PBRM1: variants seen among roughly 807,000 people sequenced by gnomAD.
The protein encoded by PBRM1 is protein polybromo-1.
A neutral mutation model predicts 194.5 loss-of-function variants in PBRM1; 27 were observed. The observed-to-expected ratio is 0.14, with a 90% CI of 0.10 to 0.19. PBRM1 has a LOEUF of 0.19. PBRM1 is among the 10% of genes least tolerant of loss of function. The probability of loss-of-function intolerance (pLI) is 1.00; values close to 1 mark genes in which losing one functional copy is unlikely to be tolerated. For synonymous variants in PBRM1, 655 were observed against 693.2 expected (o/e 0.94, Z 0.87); for missense variants, 1,466 against 2,077.2 (o/e 0.71, Z 5.72).
chr3:52,653,608 G>T (rs904631845), intron 5 of PBRM1, among the ~76,000 whole-genome samples: 19 of 144,622 alleles, frequency 1.3e-4, no homozygotes, highest in Admixed American at 5.6e-4. Context: ...AAAAAAGAAA[G>T]AAAGAAATGA....
chr3:52,578,339 C>T (rs905437928), intron 21 of PBRM1, among the ~76,000 whole-genome samples: 15 of 152,176 alleles, frequency 9.9e-5, no homozygotes, highest in African/African-American at 3.6e-4. Context: ...CTGTTTTATT[C>T]ACTAATGTAT....
intron 11 of PBRM1, among the ~76,000 whole-genome samples, chr3:52,631,906 G>A (rs938883348): frequency 5.9e-5 from 9 of 152,150 alleles, no homozygotes; most frequent in Non-Finnish European, 1.0e-4. Flanking sequence ...ATTCAAAGAT[G>A]GAAGGCAAAC....
intron 24 of PBRM1, 100 bp downstream of exon 26, chr3:52,563,183 C>T: frequency 1.4e-6 from 1 of 715,804 alleles, no homozygotes; most frequent in Non-Finnish European, 2.3e-6. Flanking sequence ...TAAGTTAAAG[C>T]TCACATATGG....
At chr3:52,677,813 T>C (rs532166865) in intron 2 of PBRM1, among the ~76,000 whole-genome samples, 5 of 152,056 alleles carry the variant, frequency 3.3e-5, no homozygotes, top group South Asian at 2.1e-4. Flanking sequence ...TGCCCACCTA[T>C]AGACCTCCCA....
chr3:52,640,830 G>A (rs1057101630), intron 10 of PBRM1, among the ~76,000 whole-genome samples: 6 of 150,350 alleles, frequency 4.0e-5, no homozygotes, highest in East Asian at 2.0e-4. Context: ...GTAGAGACAC[G>A]GTTTCACCAT....
intron 20 of PBRM1, among the ~76,000 whole-genome samples, chr3:52,580,506 C>T (rs1364825653): frequency 6.6e-6 from 1 of 152,006 alleles, no homozygotes; most frequent in Admixed American, 6.6e-5. Context: ...CTACAGGCAC[C>T]CGCTACCATG....
chr3:52,633,853 GT>G (rs566804223), intron 11 of PBRM1, among the ~76,000 whole-genome samples: 1 of 150,778 alleles, frequency 6.6e-6, no homozygotes, highest in African/African-American at 2.4e-5. Flanking sequence ...TCTGAATTGG[GT>G]TTTTTTTTGT....
intron 3 of PBRM1, among the ~76,000 whole-genome samples, chr3:52,666,725 T>C (rs1157276364): frequency 6.6e-6 from 1 of 151,598 alleles, no homozygotes; most frequent in Non-Finnish European, 1.5e-5. Context: ...ATCCCGTCTC[T>C]ATCAAAAATA....
chr3:52,672,916 A>T (rs1217573747), intron 2 of PBRM1, among the ~76,000 whole-genome samples: 2 of 152,168 alleles, frequency 1.3e-5, no homozygotes, highest in East Asian at 3.8e-4. Context: ...TGTGTAATTT[A>T]AAAAACTGAT....
chr3:52,668,121 C>G (rs1250533719), intron 3 of PBRM1, among the ~76,000 whole-genome samples: 1 of 152,050 alleles, frequency 6.6e-6, no homozygotes. Flanking sequence ...CATGGTGAAA[C>G]CCTGGTCTCT....
intron 4 of PBRM1, among the ~76,000 whole-genome samples, chr3:52,661,731 G>C (rs528129220): frequency 1.3e-3 from 198 of 152,314 alleles, no homozygotes; most frequent in African/African-American, 4.7e-3. Flanking sequence ...GGAGGTTCTA[G>C]GAACAGTAAC....
chr3:52,642,123 TAAC>T lies in PBRM1; in HGVS notation c.996-81_996-79del. The T allele has an allele frequency of 3.8e-6, 3 of 782,994 alleles. No homozygotes were observed. The South Asian group carries it at 4.4e-5, about 11-fold the overall frequency. 48.5% of individuals were successfully genotyped at this position (782,994 alleles called of 1,614,324 possible). ...TTACTTTACAGGGAACAGGAACTAT[TAAC>T]AAAGTGTTAAGATGAAAGAAAAATA... On this transcript the variant is annotated intron_variant, in intron 9 of 29. Transcript: ENST00000296302.
chr3:52,642,995 C>A (rs191543704), intron 9 of PBRM1, among the ~76,000 whole-genome samples: 1 of 152,220 alleles, frequency 6.6e-6, no homozygotes, highest in Admixed American at 6.5e-5. Context: ...ACCATGTTGG[C>A]CAGGCTGGTC....
downstream of PBRM1, chr3:52,546,607 ACT>A (rs765816163): frequency 1.3e-5 from 3 of 231,398 alleles, no homozygotes; most frequent in Non-Finnish European, 2.6e-5. Context: ...TCTGAGATTA[ACT>A]CTCTCAGATT....
exon 14 of PBRM1, chr3:52,617,495 C>T (rs2153490415): frequency 6.2e-6 from 10 of 1,612,518 alleles, no homozygotes; most frequent in Non-Finnish European, 8.5e-6. Context: ...TCAAGAACAA[C>T]ATTGAATAAG....
chr3:52,616,232 C>G (rs2094945049), intron 14 of PBRM1, among the ~76,000 whole-genome samples: 1 of 152,136 alleles, frequency 6.6e-6, no homozygotes, highest in Non-Finnish European at 1.5e-5. Flanking sequence ...TATAAGCATC[C>G]TCAATGCATA....
intron 14 of PBRM1, among the ~76,000 whole-genome samples, chr3:52,616,481 C>G (rs2094959209): frequency 6.6e-6 from 1 of 152,164 alleles, no homozygotes; most frequent in Non-Finnish European, 1.5e-5. Flanking sequence ...ATCACGACGT[C>G]AGGAGATCAA....
Position 52,672,052 on chromosome 3 carries a change from T to G in PBRM1, c.237-3407A>C, listed in dbSNP as rs752690644. Among the ~76,000 whole-genome samples the G allele has an allele frequency of 4.0e-4, 61 of 152,214 alleles. 3 individuals are homozygous for G. The highest frequency in any genetic ancestry group is 2.4e-4 in the Non-Finnish European group (16 of 68,032). On this transcript the variant is annotated intron_variant, in intron 2 of 29. Transcript: ENST00000296302. Reference sequence around the variant, plus strand: ...AGTTCTAGAGGTCAGAAGTCCAAAATGGGTCTCACTGGTCTAAAATCAAGG... The same window carrying G: ...AGTTCTAGAGGTCAGAAGTCCAAAAGGGGTCTCACTGGTCTAAAATCAAGG...
chr3:52,559,204 A>G (rs897204467), intron 25 of PBRM1, among the ~76,000 whole-genome samples: 1 of 152,116 alleles, frequency 6.6e-6, no homozygotes, highest in African/African-American at 2.4e-5. Context: ...AAATTCCAGA[A>G]TCCCTCTTAC....
Sources: gnomAD v4.1 joint callset for allele counts (sites outside exome capture counted in the v4.1 genomes callset) on GRCh38, gnomAD v4.1.1 for gene constraint, MANE v1.5 for transcripts, NCBI Gene and HGNC (gene_info 2026-07-23, HGNC 2026-07-21) for gene names.